The following TRAK2 variants were observed in gnomAD, a reference collection of about 807,000 sequenced individuals.
The protein encoded by TRAK2 is trafficking kinesin protein 2.
TRAK2 carries 81 observed loss-of-function variants against 104.6 expected under a neutral mutation model. That is an observed-to-expected ratio of 0.77 (90% CI 0.65 to 0.93). TRAK2 has a LOEUF of 0.93. Among genes scored for constraint, TRAK2 ranks in the 40% least tolerant of loss-of-function variants. The pLI is 0.00. For synonymous variants in TRAK2, 406 were observed against 394.4 expected, an observed-to-expected ratio of 1.03 and a Z score of -0.35; for missense variants, 1,002 against 1,089.0, an observed-to-expected ratio of 0.92 and a Z score of 1.12.
chr2:201,439,530 C>T (rs1200992252), intron 1 of TRAK2, among the ~76,000 whole-genome samples: 1 of 151,952 alleles, frequency 6.6e-6, no homozygotes, highest in East Asian at 1.9e-4. Flanking sequence ...TTAGGCCAGA[C>T]AGAAAATAAT....
intron 1 of TRAK2, among the ~76,000 whole-genome samples, chr2:201,426,541 C>T (rs1951790545): frequency 6.6e-6 from 1 of 152,198 alleles, no homozygotes; most frequent in Non-Finnish European, 1.5e-5. Flanking sequence ...AAATTGTCTT[C>T]CACGAAACCA....
chr2:201,411,962 T>C (rs758039466), intron 2 of TRAK2: 144 of 955,062 alleles, frequency 1.5e-4, no homozygotes, highest in Non-Finnish European at 2.2e-4. Flanking sequence ...TAGTGCTCTG[T>C]AAACCATGGG....
rs200094564 is a variant in TRAK2, at chr2:201,444,361, TCTC to T, written c.-200+6986_-200+6988del. ...CTTCTCCTCCCTCATCTTGTACCAC[TCTC>T]CTCCTTGCTCATACTCAGTCACAGA... On this transcript the variant is annotated intron_variant, in intron 1 of 15. Transcript: ENST00000332624. 3.0e-3 allele frequency among the ~76,000 whole-genome samples: 455 copies of T among 152,148 alleles called. 5 individuals are homozygous for T. The highest frequency in any genetic ancestry group is 0.01 in the African/African-American group (419 of 41,546).
chr2:201,402,856 G>A (rs1488788764), intron 3 of TRAK2, among the ~76,000 whole-genome samples: 2 of 152,158 alleles, frequency 1.3e-5, no homozygotes, highest in Non-Finnish European at 2.9e-5. Flanking sequence ...GCCCTGTGGC[G>A]CTGGTAGTAT....
At chr2:201,441,599 C>T (rs1476734535) in intron 1 of TRAK2, among the ~76,000 whole-genome samples, 1 of 151,806 alleles carries the variant, frequency 6.6e-6, no homozygotes, top group African/African-American at 2.4e-5. Context: ...GCTTTGGGAA[C>T]AGTAGTAGCA....
chr2:201,391,923 G>C (rs1219838897), intron 10 of TRAK2, among the ~76,000 whole-genome samples: 5 of 152,194 alleles, frequency 3.3e-5, no homozygotes, highest in African/African-American at 1.2e-4. Context: ...AAGGACATTA[G>C]TGAGACAACT....
rs1951320007 is a variant in TRAK2 at position 201,379,669 on chromosome 2, G to A, written c.*874C>T. ...GGCTTAACCCCTTCCAGCCTCCAAG[G>A]AATTTTTAAAAACATGCAATTATGT... On this transcript the variant is annotated 3_prime_UTR_variant, in exon 16 of 16. Coordinates refer to ENST00000332624, the MANE Select transcript of TRAK2 (RefSeq NM_015049.3). 1 of 152,412 alleles carries A rather than the reference G, an allele frequency of 6.6e-6. No homozygotes were observed. Among genetic ancestry groups the A allele is most frequent in the South Asian group, 2.1e-4 (1 of 4,822 alleles). The allele number at this position is 152,412 out of a possible 1,614,324, so 9.4% of individuals were successfully genotyped here. A position where few individuals can be genotyped will look rare whatever the true frequency, so the allele number is the denominator to read the frequency against.
chr2:201,448,406 G>C (rs1045108438), intron 1 of TRAK2, among the ~76,000 whole-genome samples: 9 of 152,106 alleles, frequency 5.9e-5, no homozygotes, highest in African/African-American at 2.2e-4. Flanking sequence ...AGTTAATATA[G>C]GTAAAACATT....
At chr2:201,398,379 T>C in intron 5 of TRAK2, 25 bp from the exon 6 acceptor site, 2 of 1,589,282 alleles carry the variant, frequency 1.3e-6, no homozygotes, top group Non-Finnish European at 1.7e-6. Context: ...TGCTTGATTT[T>C]CATGTTCTTT....
At chr2:201,428,374 G>A (rs974331084) in intron 1 of TRAK2, among the ~76,000 whole-genome samples, 1 of 152,186 alleles carries the variant, frequency 6.6e-6, no homozygotes. Context: ...TCCAACTTCA[G>A]CTTTCTACAT....
intron 1 of TRAK2, among the ~76,000 whole-genome samples, chr2:201,437,686 C>A (rs546088796): frequency 1.2e-4 from 18 of 152,022 alleles, no homozygotes; most frequent in African/African-American, 3.6e-4. Context: ...TTGCTACGGC[C>A]CTAGTTTAAT....
At chr2:201,419,913 T>G (rs560742892) in intron 2 of TRAK2, among the ~76,000 whole-genome samples, 76 of 152,270 alleles carry the variant, frequency 5.0e-4, no homozygotes, top group African/African-American at 1.8e-3. Context: ...CTAAATGAGT[T>G]AAGTCTAGAA....
At chr2:201,424,696 G>A (rs890176802) in intron 1 of TRAK2, among the ~76,000 whole-genome samples, 5 of 151,710 alleles carry the variant, frequency 3.3e-5, no homozygotes, top group East Asian at 1.9e-4. Flanking sequence ...TCTGACTCCC[G>A]GGTTCACGCC....
intron 8 of TRAK2, 167 bp downstream of exon 8, chr2:201,395,147 C>T: frequency 1.6e-6 from 1 of 641,924 alleles, no homozygotes. Context: ...AGTATTTATT[C>T]ATGATATCTT....
Position 201,378,417 on chromosome 2 carries a change from C to T in TRAK2, c.*2126G>A, listed in dbSNP as rs1299227286. 6.6e-6 allele frequency: 1 copy of T among 152,062 alleles called. No individual in the cohort carries two copies. The highest frequency in any genetic ancestry group is 2.4e-5 in the African/African-American group (1 of 41,394). 9.4% of individuals were successfully genotyped at this position (152,062 alleles called of 1,614,324 possible). On this transcript the variant is annotated 3_prime_UTR_variant, in exon 16 of 16. Transcript: ENST00000332624. ...ATTTAACGTTGTACTACTCTCTGGCCCTACAGTTTCCTACTTCCTGATGTT... is the reference window on the plus strand; with the variant it reads ...ATTTAACGTTGTACTACTCTCTGGCTCTACAGTTTCCTACTTCCTGATGTT...
At chr2:201,431,974 A>C (rs2125659353) in intron 1 of TRAK2, among the ~76,000 whole-genome samples, 1 of 152,384 alleles carries the variant, frequency 6.6e-6, no homozygotes, top group South Asian at 2.1e-4. Context: ...AACATGAGTT[A>C]ATACATGTAA....
rs1233217146 is a variant in TRAK2, at chr2:201,381,041, G to A, written c.2247C>T (p.Gly749=). ...GGCTGTGGTACACTTTGGCAGAGAT[G>A]CCTCGCTCTTGTAGAAGTTTGGCCA... ...MSLAKLLQER[G]ISAKVYHSPI... Residue 749 remains glycine, a synonymous_variant, in exon 16 of 16, where the codon GGC becomes GGT. Coordinates refer to ENST00000332624, the MANE Select transcript of TRAK2 (RefSeq NM_015049.3). 2.5e-6 allele frequency: 4 copies of A among 1,614,022 alleles called. No homozygotes were observed. Among genetic ancestry groups the A allele is most frequent in the Non-Finnish European group, 3.4e-6 (4 of 1,180,016 alleles).
chr2:201,416,437 C>T (rs543627748), intron 2 of TRAK2, among the ~76,000 whole-genome samples: 1 of 151,682 alleles, frequency 6.6e-6, no homozygotes, highest in Non-Finnish European at 1.5e-5. Flanking sequence ...TTCACACAAG[C>T]AGAAAACTAT....
chr2:201,427,854 T>C (rs1951803930), intron 1 of TRAK2, among the ~76,000 whole-genome samples: 1 of 152,214 alleles, frequency 6.6e-6, no homozygotes, highest in Admixed American at 6.5e-5. Context: ...GACTTTTTAA[T>C]GACTGCCATT....
Sources: gnomAD v4.1 joint callset for allele counts (sites outside exome capture counted in the v4.1 genomes callset) on GRCh38, gnomAD v4.1.1 for gene constraint, MANE v1.5 for transcripts, NCBI Gene and HGNC (gene_info 2026-07-23, HGNC 2026-07-21) for gene names.